FOXP2: variants seen among roughly 807,000 people sequenced by gnomAD.
FOXP2 encodes the protein forkhead box P2.
A neutral mutation model predicts 115.8 loss-of-function variants in FOXP2; 12 were observed. The ratio of observed to expected loss-of-function variants is 0.10; its 90% confidence interval spans 0.07 to 0.17. The LOEUF (loss-of-function observed/expected upper bound fraction) is 0.17, where lower values mean the gene tolerates loss of function less well. Ranked by LOEUF, FOXP2 falls within the 10% of genes least tolerant of loss-of-function variation. FOXP2 has a pLI of 1.00. For missense variants in FOXP2, 629 were observed against 843.5 expected, an observed-to-expected ratio of 0.75 and a Z score of 3.15; for synonymous variants, 328 against 297.7, an observed-to-expected ratio of 1.10 and a Z score of -1.05.
chr7:114,450,813 C>T (rs1795040485), intron 2 of FOXP2, among the ~76,000 whole-genome samples: 1 of 151,902 alleles, frequency 6.6e-6, no homozygotes, highest in Non-Finnish European at 1.5e-5. Flanking sequence ...CCTGGAAGTA[C>T]ATAGAGGGAT....
intron 2 of FOXP2, among the ~76,000 whole-genome samples, chr7:114,336,252 A>T (rs761439434): frequency 6.6e-6 from 1 of 151,546 alleles, no homozygotes; most frequent in Non-Finnish European, 1.5e-5. Flanking sequence ...GGGGGAAAAC[A>T]TACATGTGAA....
chr7:114,194,173 A>C (rs752122654), intron 1 of FOXP2, among the ~76,000 whole-genome samples: 2 of 152,134 alleles, frequency 1.3e-5, no homozygotes, highest in Non-Finnish European at 2.9e-5. Context: ...TTAATTTACA[A>C]CTGCTTTTAT....
At chr7:114,326,095 A>C (rs1378070372) in intron 2 of FOXP2, among the ~76,000 whole-genome samples, 1 of 152,126 alleles carries the variant, frequency 6.6e-6, no homozygotes, top group Non-Finnish European at 1.5e-5. Context: ...GAATTAGTTC[A>C]TTCATGGTCT....
chr7:114,319,601 G>A (rs1017909794), intron 2 of FOXP2, among the ~76,000 whole-genome samples: 1 of 152,080 alleles, frequency 6.6e-6, no homozygotes, highest in African/African-American at 2.4e-5. Context: ...GCTCTATTGA[G>A]ACCCATTCAC....
At chr7:114,155,394 G>A (rs1320156995) in intron 1 of FOXP2, among the ~76,000 whole-genome samples, 2 of 152,152 alleles carry the variant, frequency 1.3e-5, no homozygotes, top group South Asian at 2.1e-4. Flanking sequence ...AAATTCCAAC[G>A]TGACTCTAGT....
At chr7:114,457,107 T>C (rs887577067) in intron 2 of FOXP2, among the ~76,000 whole-genome samples, 1 of 152,150 alleles carries the variant, frequency 6.6e-6, no homozygotes, top group Non-Finnish European at 1.5e-5. Flanking sequence ...AAAACTCTAG[T>C]TATAATACCC....
At chr7:114,648,085 GTAGTT>G (rs906065196) in intron 8 of FOXP2, among the ~76,000 whole-genome samples, 1 of 152,052 alleles carries the variant, frequency 6.6e-6, no homozygotes, top group African/African-American at 2.4e-5. Context: ...TGGAAACAGA[GTAGTT>G]TATTTAATAG....
At chr7:114,583,977 G>A (rs1011472406) in intron 3 of FOXP2, among the ~76,000 whole-genome samples, 8 of 152,066 alleles carry the variant, frequency 5.3e-5, no homozygotes, top group African/African-American at 1.9e-4. Context: ...AAAAATCACA[G>A]CATGTTTACT....
At chr7:114,263,519 T>C (rs544424119) in intron 1 of FOXP2, among the ~76,000 whole-genome samples, 1 of 151,614 alleles carries the variant, frequency 6.6e-6, no homozygotes, top group East Asian at 2.0e-4. Flanking sequence ...AGTGCTGTGA[T>C]CATAGCTCAC....
At chr7:114,518,236 T>G (rs1212580119) in intron 2 of FOXP2, among the ~76,000 whole-genome samples, 1 of 152,162 alleles carries the variant, frequency 6.6e-6, no homozygotes, top group Non-Finnish European at 1.5e-5. Flanking sequence ...TATTTCAAAA[T>G]ATACTTTTAA....
At chr7:114,595,682 G>C (rs185382398) in intron 3 of FOXP2, among the ~76,000 whole-genome samples, 43 of 152,094 alleles carry the variant, frequency 2.8e-4, no homozygotes, top group African/African-American at 9.9e-4. Flanking sequence ...TGTAGGAAAA[G>C]AATCCACAGT....
chr7:114,203,023 T>C (rs2129159992), intron 1 of FOXP2, among the ~76,000 whole-genome samples: 1 of 152,302 alleles, frequency 6.6e-6, no homozygotes, highest in Middle Eastern at 3.4e-3. Context: ...CAAATAAAAA[T>C]AAAGACATGA....
intron 2 of FOXP2, among the ~76,000 whole-genome samples, chr7:114,368,907 A>G (rs1337548627): frequency 6.6e-6 from 1 of 152,220 alleles, no homozygotes; most frequent in Non-Finnish European, 1.5e-5. Context: ...TAAAACAACA[A>G]TCATTTATTT....
intron 1 of FOXP2, among the ~76,000 whole-genome samples, chr7:114,219,400 A>G (rs1200913334): frequency 2.0e-5 from 3 of 152,152 alleles, no homozygotes; most frequent in Non-Finnish European, 2.9e-5. Flanking sequence ...ACCTTTTAGA[A>G]CAGTATTAAC....
chr7:114,299,789 T>A (rs1584618766), intron 2 of FOXP2, among the ~76,000 whole-genome samples: 1 of 152,030 alleles, frequency 6.6e-6, no homozygotes, highest in East Asian at 1.9e-4. Flanking sequence ...GGAAGAGGAT[T>A]GAGGAGCTTT....
At chr7:114,120,016 T>C (rs1410549623) in intron 1 of FOXP2, among the ~76,000 whole-genome samples, 1 of 152,146 alleles carries the variant, frequency 6.6e-6, no homozygotes. Flanking sequence ...AAAGCAGAGG[T>C]ATAGAAAATC....
chr7:114,257,778 T>C (rs916182534), intron 1 of FOXP2, among the ~76,000 whole-genome samples: 1 of 152,026 alleles, frequency 6.6e-6, no homozygotes, highest in Non-Finnish European at 1.5e-5. Context: ...AGCAGAGGCA[T>C]GAAGGAAGTG....
At chr7:114,189,807 A>G (rs1439294562) in intron 1 of FOXP2, among the ~76,000 whole-genome samples, 1 of 152,206 alleles carries the variant, frequency 6.6e-6, no homozygotes, top group Non-Finnish European at 1.5e-5. Flanking sequence ...TGGTTCCAGT[A>G]AGAATTCATG....
chr7:114,667,904 A>G (rs1563069851), intron 16 of FOXP2: 1 of 152,202 alleles, frequency 6.6e-6, no homozygotes, highest in Non-Finnish European at 1.5e-5. Context: ...AATATCTAAC[A>G]TAAATACAAG....
Sources: gnomAD v4.1 joint callset for allele counts (sites outside exome capture counted in the v4.1 genomes callset) on GRCh38, gnomAD v4.1.1 for gene constraint, MANE v1.5 for transcripts, NCBI Gene and HGNC (gene_info 2026-07-23, HGNC 2026-07-21) for gene names.